Variants in UBE3C observed in about 807,000 individuals in gnomAD.
UBE3C encodes ubiquitin protein ligase E3C, also known as ubiquitin-protein ligase E3C.
UBE3C carries 42 observed loss-of-function variants against 129.4 expected under a neutral mutation model. The observed-to-expected ratio is 0.32, with a 90% CI of 0.25 to 0.42. The LOEUF is 0.42. Among genes scored for constraint, UBE3C ranks in the 10% least tolerant of loss-of-function variants. UBE3C has a pLI of 1.00. For missense variants in UBE3C, 1,049 were observed against 1,319.1 expected, an observed-to-expected ratio of 0.80 and a Z score of 3.17; for synonymous variants, 510 against 492.4, an observed-to-expected ratio of 1.04 and a Z score of -0.47.
At chr7:157,231,469 A>C in intron 18 of UBE3C, 142 bp downstream of exon 18, 1 of 1,281,108 alleles carries the variant, frequency 7.8e-7, no homozygotes. Context: ...GCACTGCACG[A>C]AACAAATTTG....
In UBE3C at chr7:157,267,785, G is replaced by C. The variant is rs1797120703; in HGVS notation, c.*30G>C. On this transcript the variant is annotated 3_prime_UTR_variant, in exon 23 of 23. Transcript: ENST00000348165. Reference sequence around the variant, plus strand: ...GATGCTGGGGTCAGACCCCTACAGAGAACCAGTGCTTCCTTCGTCAGCAGC... The same window carrying C: ...GATGCTGGGGTCAGACCCCTACAGACAACCAGTGCTTCCTTCGTCAGCAGC... The C allele has an allele frequency of 6.5e-7, 1 of 1,532,062 alleles. No homozygotes were observed. Among genetic ancestry groups the C allele is most frequent in the Admixed American group, 2.2e-5 (1 of 45,746 alleles). 94.9% of individuals were successfully genotyped at this position (1,532,062 alleles called of 1,614,324 possible). A position where few individuals can be genotyped will look rare whatever the true frequency, so the allele number is the denominator to read the frequency against.
intron 21 of UBE3C, among the ~76,000 whole-genome samples, chr7:157,255,134 A>G (rs772070095): frequency 7.2e-5 from 11 of 152,012 alleles, no homozygotes; most frequent in African/African-American, 2.7e-4. Flanking sequence ...ATAGATAAAT[A>G]TATACATACA....
intron 13 of UBE3C, among the ~76,000 whole-genome samples, chr7:157,215,335 A>G (rs1795525811): frequency 6.6e-6 from 1 of 152,010 alleles, no homozygotes; most frequent in Non-Finnish European, 1.5e-5. Flanking sequence ...TTGGATTTGC[A>G]TTTCATAAAA....
intron 1 of UBE3C, among the ~76,000 whole-genome samples, chr7:157,142,554 G>A (rs540268327): frequency 1.3e-4 from 20 of 152,302 alleles, no homozygotes; most frequent in African/African-American, 4.8e-4. Context: ...AAGACGAGAA[G>A]GCATTCCAGG....
intron 6 of UBE3C, among the ~76,000 whole-genome samples, chr7:157,179,296 A>AT (rs765488178): frequency 6.6e-6 from 1 of 151,958 alleles, no homozygotes; most frequent in Non-Finnish European, 1.5e-5. Context: ...TTGTTAAATG[A>AT]TTTTTCTTCC....
chr7:157,166,148 G>A (rs966970907), intron 2 of UBE3C, among the ~76,000 whole-genome samples: 1 of 152,226 alleles, frequency 6.6e-6, no homozygotes, highest in South Asian at 2.1e-4. Flanking sequence ...ATTGCTTTAT[G>A]TTATCCCAAA....
intron 13 of UBE3C, among the ~76,000 whole-genome samples, chr7:157,211,057 CTG>C (rs1387317408): frequency 6.6e-6 from 1 of 152,056 alleles, no homozygotes; most frequent in Non-Finnish European, 1.5e-5. Context: ...TTTGAGATGT[CTG>C]TGTGCATCCA....
chr7:157,223,572 C>G (rs557070641), intron 16 of UBE3C, among the ~76,000 whole-genome samples: 1,417 of 16,286 alleles, frequency 0.087, 22 homozygotes, highest in African/African-American at 0.37. Flanking sequence ...GATTGAAAGC[C>G]AGTAAACACT....
intron 1 of UBE3C, among the ~76,000 whole-genome samples, chr7:157,160,318 G>A (rs959766484): frequency 5.9e-5 from 9 of 152,070 alleles, no homozygotes; most frequent in Non-Finnish European, 4.4e-5. Flanking sequence ...CAGGCGATCT[G>A]CCGGCCTTGG....
intron 11 of UBE3C, among the ~76,000 whole-genome samples, chr7:157,204,017 A>G (rs1809361044): frequency 6.6e-6 from 1 of 152,212 alleles, no homozygotes. Flanking sequence ...TTGAATGTCC[A>G]TGTAATTTAT....
chr7:157,199,412 C>G (rs1809216930), intron 10 of UBE3C, among the ~76,000 whole-genome samples: 1 of 151,978 alleles, frequency 6.6e-6, no homozygotes, highest in Non-Finnish European at 1.5e-5. Flanking sequence ...TTTTCTAATA[C>G]AGCTTCCCTT....
At chr7:157,193,135 T>C (rs1158658777) in intron 10 of UBE3C, among the ~76,000 whole-genome samples, 1 of 152,214 alleles carries the variant, frequency 6.6e-6, no homozygotes, top group Admixed American at 6.5e-5. Context: ...GCAGCTTGTC[T>C]CCAGACGAAA....
rs778570977 is a variant in UBE3C at position 157,216,857 on chromosome 7, T to TA, written c.1810-10_1810-9insA. The TA allele has an allele frequency of 6.2e-7, 1 of 1,611,578 alleles. No homozygotes were observed. Among genetic ancestry groups the TA allele is most frequent in the Non-Finnish European group, 8.5e-7 (1 of 1,177,878 alleles). On this transcript the variant is annotated splice_polypyrimidine_tract_variant and intron_variant, in intron 13 of 22. Coordinates refer to ENST00000348165, the MANE Select transcript of UBE3C (RefSeq NM_014671.3). ...CACGTGTGTGACGCGGATATGTTCT[T>TA]TCTTTTCAGGTTATCACCAATCTAG...
intron 17 of UBE3C, among the ~76,000 whole-genome samples, chr7:157,229,380 T>C (rs573747767): frequency 4.6e-5 from 7 of 152,122 alleles, no homozygotes; most frequent in African/African-American, 1.4e-4. Flanking sequence ...AATGGCACAA[T>C]CTTGACTCAC....
chr7:157,240,230 T>G (rs1182395), intron 18 of UBE3C, among the ~76,000 whole-genome samples: 78,467 of 151,898 alleles, frequency 0.52, 23,216 homozygotes, highest in Non-Finnish European at 0.66. Context: ...AATTTTTGTG[T>G]TTTTTGTAGA....
rs140842665 is a variant in UBE3C, at chr7:157,187,002, A to C, written c.1312A>C (p.Met438Leu). ...CCACACGCTGATGGTGCAGCACCGC[A>C]TGATGGTACCCAAAGTCAGGCAAGT... is the stretch of plus-strand genomic sequence containing the variant. The part of the protein sequence containing the change: ...VCHTLMVQHR[M>L]MVPKVRLLYS... The change falls in exon 10 of 23, where the codon ATG (methionine) becomes CTG (leucine). Residue 438 changes from methionine to leucine, a missense_variant. Transcript: ENST00000348165. 6.2e-7 allele frequency: 1 copy of C among 1,607,266 alleles called. No homozygotes were observed. The highest frequency in any genetic ancestry group is 8.5e-7 in the Non-Finnish European group (1 of 1,176,700).
At chr7:157,217,024 G>A in intron 14 of UBE3C, 53 bp downstream of exon 14, 1 of 1,397,584 alleles carries the variant, frequency 7.2e-7, no homozygotes, top group African/African-American at 1.5e-5. Flanking sequence ...CATTCAGCTT[G>A]TGTCTTTCTG....
chr7:157,140,105 C>T, intron 1 of UBE3C: 4 of 909,448 alleles, frequency 4.4e-6, no homozygotes, highest in Non-Finnish European at 5.3e-6. Flanking sequence ...AGACGGGCAT[C>T]AGTTGGTTCA....
chr7:157,250,254 C>T (rs1234005994), intron 19 of UBE3C, among the ~76,000 whole-genome samples: 1 of 152,106 alleles, frequency 6.6e-6, no homozygotes, highest in Non-Finnish European at 1.5e-5. Context: ...TTCACTCTGT[C>T]ACCCAGGCTG....
Sources: allele counts gnomAD v4.1 joint callset (sites outside exome capture counted in the v4.1 genomes callset), GRCh38; gene constraint gnomAD v4.1.1; transcripts MANE v1.5; gene names NCBI Gene and HGNC (gene_info 2026-07-23, HGNC 2026-07-21).